The following COX10 variants were observed in gnomAD, a reference collection of about 807,000 sequenced individuals.
COX10 encodes protoheme IX farnesyltransferase, mitochondrial.
Under a neutral mutation model 37.3 loss-of-function variants are expected in COX10, and 27 were observed. That is an observed-to-expected ratio of 0.72 (90% CI 0.53 to 1.00). The LOEUF (loss-of-function observed/expected upper bound fraction) is 1.00, where lower values mean the gene tolerates loss of function less well. Among genes scored for constraint, COX10 ranks in the 50% least tolerant of loss-of-function variants. The pLI is 0.00. For missense variants in COX10, 475 were observed against 563.2 expected (o/e 0.84, Z 1.59); for synonymous variants, 222 against 229.1 (o/e 0.97, Z 0.28).
intron 3 of COX10, among the ~76,000 whole-genome samples, chr17:14,093,900 T>C (rs1321736143): frequency 6.6e-6 from 1 of 152,194 alleles, no homozygotes; most frequent in African/African-American, 2.4e-5. Flanking sequence ...TACTAAAGAA[T>C]ATTCTGGCTG....
chr17:14,169,317 A>G (rs552025318), intron 5 of COX10, among the ~76,000 whole-genome samples: 1 of 152,312 alleles, frequency 6.6e-6, no homozygotes, highest in East Asian at 1.9e-4. Context: ...CTGTATCACT[A>G]TGAGCATTTT....
chr17:14,199,948 C>CA (rs769840816), intron 6 of COX10, among the ~76,000 whole-genome samples: 1 of 152,194 alleles, frequency 6.6e-6, no homozygotes, highest in Non-Finnish European at 1.5e-5. Context: ...AGTCATGGAG[C>CA]AGACGCGCTA....
At chr17:14,179,227 C>T (rs1567608932) in intron 5 of COX10, 6 of 982,966 alleles carry the variant, frequency 6.1e-6, no homozygotes, top group East Asian at 1.1e-4. Context: ...ATGTAGACAC[C>T]GTTCATCTAC....
At chr17:14,112,343 A>C (rs755865089) in intron 4 of COX10, among the ~76,000 whole-genome samples, 1 of 152,166 alleles carries the variant, frequency 6.6e-6, no homozygotes. Flanking sequence ...TCCTCTTGAC[A>C]TTCACCCACC....
intron 6 of COX10, among the ~76,000 whole-genome samples, chr17:14,194,741 A>G (rs772116796): frequency 6.6e-6 from 1 of 152,190 alleles, no homozygotes; most frequent in Non-Finnish European, 1.5e-5. Flanking sequence ...AAATTTTTTA[A>G]TGTTGATTAT....
intron 1 of COX10, 105 bp from the exon 2 acceptor site, chr17:14,074,218 T>C (rs1915092705): frequency 8.3e-7 from 1 of 1,205,974 alleles, no homozygotes. Context: ...TCACACAGTG[T>C]AGCGCTTACC....
At chr17:14,135,686 T>C (rs931642616) in intron 4 of COX10, among the ~76,000 whole-genome samples, 1 of 151,986 alleles carries the variant, frequency 6.6e-6, no homozygotes, top group Non-Finnish European at 1.5e-5. Flanking sequence ...TTTCCAAAAA[T>C]AAATTTTTAT....
intron 3 of COX10, among the ~76,000 whole-genome samples, chr17:14,079,842 T>C (rs918780118): frequency 8.7e-5 from 8 of 91,678 alleles, no homozygotes; most frequent in African/African-American, 3.1e-4. Context: ...TAGGATCATT[T>C]TATATATATA....
At chr17:14,143,789 C>T (rs1476959608) in intron 4 of COX10, among the ~76,000 whole-genome samples, 11 of 152,126 alleles carry the variant, frequency 7.2e-5, no homozygotes, top group South Asian at 4.1e-4. Flanking sequence ...ATGGATGAGA[C>T]GTATTTTCTC....
chr17:14,104,587 G>T (rs558148991), intron 4 of COX10, among the ~76,000 whole-genome samples: 2 of 151,984 alleles, frequency 1.3e-5, no homozygotes, highest in South Asian at 2.1e-4. Context: ...AAAATTCTAT[G>T]GGAGGAAAAC....
rs143960846 is a variant in COX10 at position 14,187,572 on chromosome 17, C to T, written c.696-4417C>T. ...GAAGATATCAACTAGTATGTTTCTC[C>T]GAATAACTCATGAAGAATTTCTTCT... On this transcript the variant is annotated intron_variant, in intron 5 of 6. Coordinates refer to ENST00000261643, the MANE Select transcript of COX10 (RefSeq NM_001303.4). Among the ~76,000 whole-genome samples, 602 of 152,082 alleles carry T rather than the reference C, an allele frequency of 4.0e-3. 5 individuals are homozygous for T. Among genetic ancestry groups the T allele is most frequent in the African/African-American group, 0.012 (517 of 41,470 alleles).
At chr17:14,206,159 A>G (rs1407262586) in intron 6 of COX10, among the ~76,000 whole-genome samples, 1 of 152,110 alleles carries the variant, frequency 6.6e-6, no homozygotes, top group African/African-American at 2.4e-5. Context: ...GATCAGAGCC[A>G]GGGTGTGACG....
intron 5 of COX10, among the ~76,000 whole-genome samples, chr17:14,176,962 A>AT (rs201327461): frequency 0.025 from 3,701 of 150,400 alleles, 116 homozygotes; most frequent in African/African-American, 0.075. Context: ...ATTTTCTATA[A>AT]TTTTTTTTTT....
At chr17:14,082,829 C>G (rs974857317) in intron 3 of COX10, among the ~76,000 whole-genome samples, 6 of 152,148 alleles carry the variant, frequency 3.9e-5, no homozygotes, top group Admixed American at 3.3e-4. Context: ...ATTCAGTTCC[C>G]CTAGGGCTGG....
At chr17:14,163,443 A>G (rs1006702405) in intron 5 of COX10, among the ~76,000 whole-genome samples, 2 of 151,810 alleles carry the variant, frequency 1.3e-5, no homozygotes, top group African/African-American at 4.8e-5. Flanking sequence ...TTTTATAGAG[A>G]TTGGGTTTCA....
At chr17:14,106,039 G>T (rs1190667603) in intron 4 of COX10, among the ~76,000 whole-genome samples, 3 of 151,184 alleles carry the variant, frequency 2.0e-5, no homozygotes, top group Non-Finnish European at 4.4e-5. Flanking sequence ...TTGAGGTAGG[G>T]TTTCGCTCTT....
chr17:14,143,232 A>G (rs1904600180), intron 4 of COX10, among the ~76,000 whole-genome samples: 2 of 152,302 alleles, frequency 1.3e-5, no homozygotes, highest in South Asian at 2.1e-4. Context: ...TTATCCTTTA[A>G]TGCAAATACC....
chr17:14,152,850 G>A (rs1482795782), intron 4 of COX10, among the ~76,000 whole-genome samples: 1 of 152,140 alleles, frequency 6.6e-6, no homozygotes, highest in African/African-American at 2.4e-5. Context: ...GGAAAAGCTC[G>A]GGGATCAGCT....
intron 5 of COX10, among the ~76,000 whole-genome samples, chr17:14,186,649 T>C (rs1164966040): frequency 6.6e-6 from 1 of 151,478 alleles, no homozygotes; most frequent in Non-Finnish European, 1.5e-5. Context: ...TATACAGTTG[T>C]TTCGATTTCA....
Sources: allele counts gnomAD v4.1 joint callset (sites outside exome capture counted in the v4.1 genomes callset), GRCh38; gene constraint gnomAD v4.1.1; transcripts MANE v1.5; gene names NCBI Gene and HGNC (gene_info 2026-07-23, HGNC 2026-07-21).